CHST11: variants seen among roughly 807,000 people sequenced by gnomAD.
The protein encoded by CHST11 is C4S-1.
Under a neutral mutation model 30.4 loss-of-function variants are expected in CHST11, and 9 were observed. The ratio of observed to expected loss-of-function variants is 0.30; its 90% confidence interval spans 0.18 to 0.52. The LOEUF is 0.52. CHST11 is among the 20% of genes least tolerant of loss of function. CHST11 has a pLI of 0.97. For synonymous variants in CHST11, 152 were observed against 187.8 expected (o/e 0.81, Z 1.56); for missense variants, 348 against 460.6 (o/e 0.76, Z 2.24).
intron 1 of CHST11, among the ~76,000 whole-genome samples, chr12:104,549,736 G>A (rs747073363): frequency 2.0e-4 from 30 of 152,020 alleles, no homozygotes; most frequent in African/African-American, 3.4e-4. Context: ...AGAGAGCCCC[G>A]CCACTCAAAA....
intron 1 of CHST11, among the ~76,000 whole-genome samples, chr12:104,530,457 A>G (rs559665418): frequency 6.6e-6 from 1 of 152,324 alleles, no homozygotes; most frequent in South Asian, 2.1e-4. Context: ...TGGCAATGTA[A>G]CTAGAGTCCT....
intron 2 of CHST11, among the ~76,000 whole-genome samples, chr12:104,665,449 C>A (rs1462428552): frequency 2.0e-5 from 3 of 152,112 alleles, no homozygotes; most frequent in African/African-American, 7.2e-5. Context: ...TTGAATGTAA[C>A]AGTGACAAGT....
At chr12:104,589,080 G>T (rs992383350) in intron 1 of CHST11, 1 of 152,202 alleles carries the variant, frequency 6.6e-6, no homozygotes, top group Non-Finnish European at 1.5e-5. Flanking sequence ...GACACTGTAT[G>T]ATCCTACTTG....
At chr12:104,544,623 G>C (rs1631306) in intron 1 of CHST11, among the ~76,000 whole-genome samples, 144,010 of 150,974 alleles carry the variant, frequency 0.95, 68,740 homozygotes, top group East Asian at 1. Context: ...AGGAGAATCA[G>C]TTGAACCTGG....
At chr12:104,656,142 T>C (rs1461520984) in intron 2 of CHST11, among the ~76,000 whole-genome samples, 1 of 152,206 alleles carries the variant, frequency 6.6e-6, no homozygotes, top group East Asian at 1.9e-4. Context: ...AGTTGGCCAC[T>C]GGTAGGGAGA....
chr12:104,633,075 A>G (rs1024047425), intron 2 of CHST11, among the ~76,000 whole-genome samples: 1 of 152,208 alleles, frequency 6.6e-6, no homozygotes, highest in Non-Finnish European at 1.5e-5. Flanking sequence ...ATCCGGGAAT[A>G]AGTTTATAAA....
At chr12:104,640,146 G>T (rs2039361746) in intron 2 of CHST11, among the ~76,000 whole-genome samples, 1 of 152,188 alleles carries the variant, frequency 6.6e-6, no homozygotes, top group Admixed American at 6.5e-5. Flanking sequence ...AAATGATACA[G>T]CCCTTTTGGA....
chr12:104,569,794 T>C (rs1030703650), intron 1 of CHST11, among the ~76,000 whole-genome samples: 6 of 152,212 alleles, frequency 3.9e-5, no homozygotes, highest in South Asian at 2.1e-4. Flanking sequence ...GGTGGCACCA[T>C]TGACCATGCT....
intron 1 of CHST11, among the ~76,000 whole-genome samples, chr12:104,544,513 C>G (rs2136004218): frequency 6.6e-6 from 1 of 152,064 alleles, no homozygotes; most frequent in Middle Eastern, 3.4e-3. Flanking sequence ...TCGAGACCAG[C>G]CTGGCCAACA....
intron 2 of CHST11, among the ~76,000 whole-genome samples, chr12:104,703,173 G>A (rs992080600): frequency 6.6e-6 from 1 of 152,188 alleles, no homozygotes; most frequent in African/African-American, 2.4e-5. Context: ...ACAGTGCCTG[G>A]GCCATAGTGG....
At chr12:104,503,179 C>T (rs1422650558) in intron 1 of CHST11, among the ~76,000 whole-genome samples, 1 of 152,156 alleles carries the variant, frequency 6.6e-6, no homozygotes, top group African/African-American at 2.4e-5. Flanking sequence ...GCGACATTGC[C>T]TGTCTCTATC....
chr12:104,699,848 C>G (rs1016443447), intron 2 of CHST11, among the ~76,000 whole-genome samples: 2 of 152,206 alleles, frequency 1.3e-5, no homozygotes, highest in African/African-American at 4.8e-5. Flanking sequence ...GGAAATGATG[C>G]TGCCTCCAGC....
rs201913132 is a variant in CHST11, at chr12:104,752,505, C to T, written c.205-4444C>T. ...AACAAACAATTGGGAAATTTATTTA[C>T]TTATTTATTTATTTATTTATTTATT... On this transcript the variant is annotated intron_variant, in intron 2 of 2. Coordinates refer to ENST00000303694, the MANE Select transcript of CHST11 (RefSeq NM_018413.6). 1.5e-4 allele frequency among the ~76,000 whole-genome samples: 23 copies of T among 149,560 alleles called. No individual in the cohort carries two copies. In the South Asian group the frequency reaches 2.5e-3, roughly 17 times the overall value.
chr12:104,578,257 C>T (rs1253175664), intron 1 of CHST11, among the ~76,000 whole-genome samples: 1 of 152,232 alleles, frequency 6.6e-6, no homozygotes, highest in Non-Finnish European at 1.5e-5. Context: ...GACCCATTGA[C>T]TTGCCACTGC....
intron 1 of CHST11, among the ~76,000 whole-genome samples, chr12:104,576,081 G>A (rs996749879): frequency 6.6e-5 from 10 of 151,912 alleles, no homozygotes; most frequent in African/African-American, 2.4e-4. Context: ...TCCCTCCCAA[G>A]TACAGTATAT....
rs577167688 is a variant in CHST11, at chr12:104,659,690, G to A, written c.204+57699G>A. 7.9e-5 allele frequency among the ~76,000 whole-genome samples: 12 copies of A among 152,242 alleles called. No homozygotes were observed. The South Asian group carries it at 2.5e-3, about 32-fold the overall frequency. On this transcript the variant is annotated intron_variant, in intron 2 of 2. Transcript: ENST00000303694. ...TATTATTAACATTAATTATGGCCAG[G>A]CACAGTGGTTCATGCCTGTAATTCC...
At chr12:104,578,595 C>T (rs1212783476) in intron 1 of CHST11, among the ~76,000 whole-genome samples, 3 of 152,266 alleles carry the variant, frequency 2.0e-5, no homozygotes, top group Middle Eastern at 3.4e-3. Flanking sequence ...ATTGAGTCAT[C>T]GGCTTTCTGG....
chr12:104,463,000 G>C (rs1402487103), intron 1 of CHST11, among the ~76,000 whole-genome samples: 1 of 152,210 alleles, frequency 6.6e-6, no homozygotes, highest in Non-Finnish European at 1.5e-5. Flanking sequence ...TTTCCGTGGG[G>C]TGAGGGGTGA....
chr12:104,576,114 G>A (rs1001529095), intron 1 of CHST11, among the ~76,000 whole-genome samples: 1 of 152,030 alleles, frequency 6.6e-6, no homozygotes, highest in Admixed American at 6.5e-5. Context: ...ACTCACAGGC[G>A]TGATGGTGGT....
Sources: gnomAD v4.1 joint callset for allele counts (sites outside exome capture counted in the v4.1 genomes callset) on GRCh38, gnomAD v4.1.1 for gene constraint, MANE v1.5 for transcripts, NCBI Gene and HGNC (gene_info 2026-07-23, HGNC 2026-07-21) for gene names.